Variants in PAK1 observed in about 807,000 individuals in gnomAD.
PAK1 encodes the protein p21 (RAC1) activated kinase 1, also known as serine/threonine-protein kinase PAK 1.
A neutral mutation model predicts 67.4 loss-of-function variants in PAK1; 29 were observed. The ratio of observed to expected loss-of-function variants is 0.43; its 90% CI spans 0.32 to 0.59. PAK1 has a LOEUF of 0.59. Ranked by LOEUF, PAK1 falls within the 20% of genes least tolerant of loss-of-function variation. The pLI is 0.07. For missense variants in PAK1, 337 were observed against 670.7 expected, an observed-to-expected ratio of 0.50 and a Z score of 5.50; for synonymous variants, 223 against 237.4, an observed-to-expected ratio of 0.94 and a Z score of 0.56.
At chr11:77,368,364 C>G (rs1183109217) in intron 5 of PAK1, among the ~76,000 whole-genome samples, 2 of 152,196 alleles carry the variant, frequency 1.3e-5, no homozygotes, top group African/African-American at 4.8e-5. Context: ...CTATAAGCAG[C>G]TGAAGTATTA....
intron 9 of PAK1, among the ~76,000 whole-genome samples, chr11:77,348,746 CATCT>C (rs2136364969): frequency 6.6e-6 from 1 of 152,308 alleles, no homozygotes; most frequent in East Asian, 1.9e-4. Flanking sequence ...CACTTCCCTC[CATCT>C]AACTATTTCA....
chr11:77,369,209 GA>G (rs1018621048), intron 5 of PAK1, among the ~76,000 whole-genome samples: 6 of 151,862 alleles, frequency 4.0e-5, no homozygotes, highest in African/African-American at 1.5e-4. Context: ...TCAATTATCT[GA>G]CTTGGTCATT....
chr11:77,403,248 T>C (rs1176096970), intron 1 of PAK1, among the ~76,000 whole-genome samples: 1 of 152,228 alleles, frequency 6.6e-6, no homozygotes, highest in Non-Finnish European at 1.5e-5. Context: ...TACTATTCAC[T>C]TTCTGGTCAC....
At chr11:77,461,446 A>T (rs1957340012) in intron 1 of PAK1, among the ~76,000 whole-genome samples, 1 of 152,202 alleles carries the variant, frequency 6.6e-6, no homozygotes, top group African/African-American at 2.4e-5. Flanking sequence ...TAAGAGCAAA[A>T]CTGAAGTTTC....
the PAK1 span, among the ~76,000 whole-genome samples, chr11:77,492,291 C>T: frequency 2.0e-5 from 3 of 151,566 alleles, no homozygotes; most frequent in South Asian, 2.1e-4. Context: ...GCTGAGATCA[C>T]GCCACTGCAC....
At chr11:77,526,445 C>G in the PAK1 span, among the ~76,000 whole-genome samples, 3 of 152,210 alleles carry the variant, frequency 2.0e-5, no homozygotes, top group East Asian at 5.8e-4. Flanking sequence ...GGAGCAAAGG[C>G]ATAAGAGTAA....
the PAK1 span, among the ~76,000 whole-genome samples, chr11:77,490,077 T>C: frequency 7.0e-6 from 1 of 143,662 alleles, no homozygotes; most frequent in African/African-American, 2.6e-5. Context: ...TCGTCTGAGA[T>C]GTGGGGAGCG....
intron 1 of PAK1, among the ~76,000 whole-genome samples, chr11:77,467,173 C>A (rs1249372362): frequency 6.6e-6 from 1 of 152,162 alleles, no homozygotes; most frequent in Non-Finnish European, 1.5e-5. Flanking sequence ...CCCTCCCTGA[C>A]TGTGCTTCGT....
intron 1 of PAK1, among the ~76,000 whole-genome samples, chr11:77,408,534 C>CACAT (rs71043572): frequency 0.046 from 5,739 of 123,712 alleles, 148 homozygotes; most frequent in Middle Eastern, 0.073. Flanking sequence ...TGGAGAAATA[C>CACAT]ACACACACAC....
At position 77,379,883 on chromosome 11, in the gene PAK1, C is replaced by A. The variant is rs1413481237; in HGVS notation, c.291+11G>T. The A allele has an allele frequency of 5.0e-6, 8 of 1,592,658 alleles. No individual in the cohort carries two copies. The South Asian group carries it at 8.8e-5, about 18-fold the overall frequency. ...AAAAGACTAAAGACCTTTCTGTGAC[C>A]CAGGACTTACCGTAAACTCCCCTGT... On this transcript the variant is annotated intron_variant, in intron 3 of 14. Transcript: ENST00000356341.
At chr11:77,483,698 A>T in the PAK1 span, among the ~76,000 whole-genome samples, 6 of 152,264 alleles carry the variant, frequency 3.9e-5, no homozygotes, top group South Asian at 4.1e-4. Flanking sequence ...TATGTAAATT[A>T]TACCTCAATA....
chr11:77,389,432 C>G lies in PAK1; in HGVS notation c.190+2899G>C, dbSNP rs572897489. 5.3e-5 allele frequency among the ~76,000 whole-genome samples: 8 copies of G among 152,362 alleles called. No individual in the cohort carries two copies. In the East Asian group the frequency reaches 1.2e-3, roughly 22 times the overall value. On this transcript the variant is annotated intron_variant, in intron 2 of 14. Coordinates refer to ENST00000356341, the MANE Select transcript of PAK1 (RefSeq NM_002576.5). The stretch of plus-strand genomic sequence containing the variant: ...ACTCTATGTTTAATCTTTTGAGGAA[C>G]TGCCAGACTGTTTTCCACAGAGGCT...
chr11:77,521,552 A>C, the PAK1 span, among the ~76,000 whole-genome samples: 4 of 151,744 alleles, frequency 2.6e-5, no homozygotes, highest in East Asian at 7.7e-4. Flanking sequence ...ATGTGTCAGG[A>C]GGCGGGTGGT....
At chr11:77,410,642 G>A (rs1421045848) in intron 1 of PAK1, among the ~76,000 whole-genome samples, 5 of 151,754 alleles carry the variant, frequency 3.3e-5, no homozygotes, top group Non-Finnish European at 7.4e-5. Context: ...AAATACAAAA[G>A]GGGAAGCATG....
At chr11:77,347,092 A>C in intron 9 of PAK1, 2 of 456,264 alleles carry the variant, frequency 4.4e-6, no homozygotes, top group Non-Finnish European at 8.8e-6. Flanking sequence ...GGGGCAGGAA[A>C]TGAAGCCTTC....
intron 1 of PAK1, among the ~76,000 whole-genome samples, chr11:77,428,115 A>G (rs1955652570): frequency 6.6e-6 from 1 of 152,220 alleles, no homozygotes; most frequent in Non-Finnish European, 1.5e-5. Flanking sequence ...GGAACTTGAA[A>G]TTTATTCTCT....
At chr11:77,516,361 A>C in the PAK1 span, among the ~76,000 whole-genome samples, 2 of 152,206 alleles carry the variant, frequency 1.3e-5, no homozygotes, top group African/African-American at 4.8e-5. Context: ...GAACTGAGTA[A>C]ACTTGGACAA....
intron 1 of PAK1, among the ~76,000 whole-genome samples, chr11:77,422,872 C>T (rs1374522980): frequency 6.6e-6 from 1 of 152,068 alleles, no homozygotes; most frequent in African/African-American, 2.4e-5. Flanking sequence ...AGCCTAGTAA[C>T]CTTGAGGTCA....
chr11:77,375,119 T>C lies in PAK1; in HGVS notation c.440-754A>G, dbSNP rs1423571992. ...CCACCATTGTATATGCGGTCTGTTG[T>C]TGTGGCACATGACTGTTATTTGCCC... On this transcript the variant is annotated intron_variant, in intron 4 of 14. Transcript: ENST00000356341. Among the ~76,000 whole-genome samples, 6 of 152,344 alleles carry C rather than the reference T, an allele frequency of 3.9e-5. No individual in the cohort carries two copies. In the South Asian group the frequency reaches 1.0e-3, roughly 26 times the overall value.
Sources: allele counts gnomAD v4.1 joint callset (sites outside exome capture counted in the v4.1 genomes callset), GRCh38; gene constraint gnomAD v4.1.1; transcripts MANE v1.5; gene names NCBI Gene and HGNC (gene_info 2026-07-23, HGNC 2026-07-21).